Variants in LRRC7 observed in about 807,000 individuals in gnomAD.
LRRC7 encodes leucine rich repeat containing 7, also known as leucine-rich repeat-containing protein 7.
In LRRC7, 23 loss-of-function variants were observed where a neutral mutation model predicts 175.7. The observed-to-expected ratio is 0.13, with a 90% CI of 0.09 to 0.19. The LOEUF (loss-of-function observed/expected upper bound fraction) is 0.19, where lower values mean the gene tolerates loss of function less well. Ranked by LOEUF, LRRC7 falls within the 10% of genes least tolerant of loss-of-function variation. The pLI is 1.00. For synonymous variants in LRRC7, 685 were observed against 680.9 expected, an observed-to-expected ratio of 1.01 and a Z score of -0.09; for missense variants, 1,354 against 1,904.7, an observed-to-expected ratio of 0.71 and a Z score of 5.38.
intron 25 of LRRC7, among the ~76,000 whole-genome samples, chr1:70,102,400 C>A (rs759327544): frequency 3.3e-5 from 5 of 152,070 alleles, no homozygotes; most frequent in Non-Finnish European, 7.3e-5. Context: ...ATTGTCCTTT[C>A]AATATACTCT....
At chr1:69,594,252 C>A (rs1646752335) in intron 1 of LRRC7, among the ~76,000 whole-genome samples, 1 of 152,090 alleles carries the variant, frequency 6.6e-6, no homozygotes, top group African/African-American at 2.4e-5. Flanking sequence ...CGCTCTTTAT[C>A]CCCTTACTGT....
At chr1:69,979,243 AAAAC>A (rs1012677855) in intron 8 of LRRC7, among the ~76,000 whole-genome samples, 8 of 152,194 alleles carry the variant, frequency 5.3e-5, no homozygotes, top group African/African-American at 1.7e-4. Flanking sequence ...AAAGTGGTAA[AAAAC>A]AAACAAACAA....
intron 2 of LRRC7, among the ~76,000 whole-genome samples, chr1:69,688,088 A>T (rs1297721271): frequency 6.6e-6 from 1 of 152,200 alleles, no homozygotes; most frequent in East Asian, 1.9e-4. Context: ...TTCTCCTTCA[A>T]GAACTGAGAA....
intron 2 of LRRC7, among the ~76,000 whole-genome samples, chr1:69,708,805 A>G (rs185335487): frequency 1.7e-4 from 26 of 152,222 alleles, no homozygotes; most frequent in Admixed American, 1.4e-3. Flanking sequence ...GGTTTCTTTT[A>G]TAGCCTTTAT....
At position 69,917,313 on chromosome 1, in the gene LRRC7, A is replaced by G. The variant is rs140608181; in HGVS notation, c.648-14194A>G. ...CATATCTTCAGGTTCAGCTATTTGT[A>G]TAGGGAAATCACACCAATGGACTTC... is the stretch of plus-strand genomic sequence containing the variant. On this transcript the variant is annotated intron_variant, in intron 7 of 26. Transcript: ENST00000651989. Among the ~76,000 whole-genome samples the G allele has an allele frequency of 7.9e-5, 12 of 152,290 alleles. No individual in the cohort carries two copies. In the East Asian group the frequency reaches 1.2e-3, roughly 15 times the overall value.
intron 3 of LRRC7, among the ~76,000 whole-genome samples, chr1:69,777,171 G>C (rs919979615): frequency 2.6e-5 from 4 of 152,166 alleles, no homozygotes; most frequent in African/African-American, 9.7e-5. Flanking sequence ...CCTAACACTT[G>C]GGAGGAATGG....
At chr1:69,963,580 A>G (rs1415364465) in intron 8 of LRRC7, among the ~76,000 whole-genome samples, 4 of 152,242 alleles carry the variant, frequency 2.6e-5, no homozygotes, top group Non-Finnish European at 5.9e-5. Flanking sequence ...CCCACAGGCT[A>G]CAGTGTAGAT....
At chr1:69,764,730 C>CAGACAGACAGACAGAT (rs1377304958) in intron 3 of LRRC7, among the ~76,000 whole-genome samples, 52 of 140,412 alleles carry the variant, frequency 3.7e-4, no homozygotes, top group African/African-American at 1.2e-3. Flanking sequence ...GATAGATAGA[C>CAGACAGACAGACAGAT]AGATAGATAG....
chr1:69,693,284 A>T (rs993173489), intron 2 of LRRC7, among the ~76,000 whole-genome samples: 4 of 152,202 alleles, frequency 2.6e-5, no homozygotes, highest in Non-Finnish European at 4.4e-5. Flanking sequence ...CTACTAAAAA[A>T]AAATTCATTG....
intron 1 of LRRC7, among the ~76,000 whole-genome samples, chr1:69,635,027 T>C (rs999718123): frequency 6.6e-6 from 1 of 152,044 alleles, no homozygotes; most frequent in Non-Finnish European, 1.5e-5. Flanking sequence ...GTTGTACAGA[T>C]TATTTCATCA....
At chr1:69,907,850 T>G (rs567343144) in intron 7 of LRRC7, among the ~76,000 whole-genome samples, 2 of 152,110 alleles carry the variant, frequency 1.3e-5, no homozygotes, top group Admixed American at 6.5e-5. Context: ...CAGTTCCTCC[T>G]TGTACCTCTG....
At chr1:69,900,575 C>T (rs1446095129) in intron 7 of LRRC7, among the ~76,000 whole-genome samples, 1 of 152,090 alleles carries the variant, frequency 6.6e-6, no homozygotes, top group African/African-American at 2.4e-5. Flanking sequence ...ATACAATATT[C>T]TTCTAAGGTG....
chr1:69,787,969 C>T (rs1426175084), intron 3 of LRRC7, among the ~76,000 whole-genome samples: 2 of 151,620 alleles, frequency 1.3e-5, no homozygotes, highest in Admixed American at 6.6e-5. Flanking sequence ...TCCTGCCTGC[C>T]TTCCTTCCTT....
chr1:69,651,402 A>G (rs1053222904), intron 1 of LRRC7, among the ~76,000 whole-genome samples: 1 of 152,186 alleles, frequency 6.6e-6, no homozygotes, highest in Non-Finnish European at 1.5e-5. Flanking sequence ...AAATCCAATT[A>G]TATCTGCCAA....
At chr1:69,942,903 A>G (rs1648881009) in intron 8 of LRRC7, among the ~76,000 whole-genome samples, 1 of 152,320 alleles carries the variant, frequency 6.6e-6, no homozygotes, top group East Asian at 1.9e-4. Context: ...ATGAGCCACC[A>G]TGTAGCCCAG....
At chr1:69,720,266 G>T (rs1666205608) in intron 2 of LRRC7, among the ~76,000 whole-genome samples, 1 of 151,206 alleles carries the variant, frequency 6.6e-6, no homozygotes, top group African/African-American at 2.4e-5. Flanking sequence ...TAATTTATTA[G>T]ATATGCATTC....
At chr1:70,031,562 A>C (rs1371588457) in intron 18 of LRRC7, among the ~76,000 whole-genome samples, 2 of 152,168 alleles carry the variant, frequency 1.3e-5, no homozygotes, top group Admixed American at 6.5e-5. Context: ...CATTTGAAAA[A>C]ATCAATGCAC....
In LRRC7 at chr1:69,656,492, T is replaced by G. The variant is rs144580451; in HGVS notation, c.3-21889T>G. 4.1e-3 allele frequency among the ~76,000 whole-genome samples: 617 copies of G among 152,150 alleles called. 3 individuals carry two copies. The highest frequency in any genetic ancestry group is 9.5e-3 in the East Asian group (49 of 5,182). On this transcript the variant is annotated intron_variant, in intron 1 of 26. Transcript: ENST00000651989. The stretch of plus-strand genomic sequence containing the variant: ...GTAGACTAATGCTGTTTTGAAACAA[T>G]GTAGTACTTGGTTCAATTCCAGTAT...
At chr1:69,604,972 C>T (rs1240042802) in intron 1 of LRRC7, among the ~76,000 whole-genome samples, 4 of 152,006 alleles carry the variant, frequency 2.6e-5, no homozygotes, top group Non-Finnish European at 4.4e-5. Context: ...CATGTGATAC[C>T]CCATTGAACA....
Sources: allele counts gnomAD v4.1 joint callset (sites outside exome capture counted in the v4.1 genomes callset), GRCh38; gene constraint gnomAD v4.1.1; transcripts MANE v1.5; gene names NCBI Gene and HGNC (gene_info 2026-07-23, HGNC 2026-07-21).